Variants in PRKCE observed in about 807,000 individuals in gnomAD.
PRKCE encodes the protein protein kinase C epsilon, also known as protein kinase C epsilon type.
In PRKCE, 16 loss-of-function variants were observed where a neutral mutation model predicts 85.4. The observed-to-expected ratio is 0.19, with a 90% CI of 0.13 to 0.28. The LOEUF is 0.28. Ranked by LOEUF, PRKCE falls within the 10% of genes least tolerant of loss-of-function variation. PRKCE has a pLI of 1.00. For missense variants in PRKCE, 573 were observed against 975.2 expected, an observed-to-expected ratio of 0.59 and a Z score of 5.49; for synonymous variants, 388 against 371.5, an observed-to-expected ratio of 1.04 and a Z score of -0.51.
At chr2:46,076,115 C>G (rs943087904) in intron 10 of PRKCE, among the ~76,000 whole-genome samples, 1 of 152,204 alleles carries the variant, frequency 6.6e-6, no homozygotes, top group African/African-American at 2.4e-5. Context: ...ACTGTGCTTT[C>G]TATTGGCTGG....
chr2:45,745,148 A>C (rs956664818), intron 1 of PRKCE, among the ~76,000 whole-genome samples: 1 of 152,152 alleles, frequency 6.6e-6, no homozygotes, highest in Non-Finnish European at 1.5e-5. Context: ...GATCAATTCC[A>C]TCTTACAATT....
chr2:45,976,384 A>G, intron 2 of PRKCE, 45 bp from the exon 3 acceptor site: 1 of 1,583,574 alleles, frequency 6.3e-7, no homozygotes, highest in Non-Finnish European at 8.6e-7. Context: ...TTGAAGGTGC[A>G]CTAACCCAGA....
intron 2 of PRKCE, among the ~76,000 whole-genome samples, chr2:45,939,582 G>T (rs1012892682): frequency 6.6e-6 from 1 of 150,932 alleles, no homozygotes; most frequent in Non-Finnish European, 1.5e-5. Flanking sequence ...TTGAGAAGGC[G>T]TCTCACTCTA....
intron 1 of PRKCE, among the ~76,000 whole-genome samples, chr2:45,823,661 A>G (rs969010262): frequency 6.6e-6 from 1 of 152,214 alleles, no homozygotes; most frequent in African/African-American, 2.4e-5. Context: ...TTTAAATGCC[A>G]CCAGTAGGCA....
At chr2:45,727,810 A>G (rs1681212143) in intron 1 of PRKCE, among the ~76,000 whole-genome samples, 1 of 152,064 alleles carries the variant, frequency 6.6e-6, no homozygotes, top group Non-Finnish European at 1.5e-5. Flanking sequence ...GCCCGCCACC[A>G]CACCCAGCTA....
At chr2:46,060,900 C>T (rs373392665) in intron 10 of PRKCE, among the ~76,000 whole-genome samples, 25 of 149,990 alleles carry the variant, frequency 1.7e-4, no homozygotes, top group African/African-American at 6.1e-4. Context: ...TAGCTGGGAC[C>T]GCAGGCGCAC....
intron 2 of PRKCE, among the ~76,000 whole-genome samples, chr2:45,914,909 G>A (rs1298986994): frequency 6.6e-6 from 1 of 152,174 alleles, no homozygotes; most frequent in Non-Finnish European, 1.5e-5. Flanking sequence ...CTGAAAAAAA[G>A]TATCCTTTTG....
intron 11 of PRKCE, among the ~76,000 whole-genome samples, chr2:46,141,836 A>C (rs1009252390): frequency 1.3e-5 from 2 of 152,142 alleles, no homozygotes; most frequent in African/African-American, 2.4e-5. Flanking sequence ...TTTGATGAGC[A>C]CTTGCTACAC....
At chr2:45,671,205 C>A (rs2103830537) in intron 1 of PRKCE, among the ~76,000 whole-genome samples, 1 of 152,280 alleles carries the variant, frequency 6.6e-6, no homozygotes, top group South Asian at 2.1e-4. Context: ...TTTTGATTCT[C>A]CCATCAAACT....
chr2:45,886,130 T>C (rs903480053), intron 2 of PRKCE, among the ~76,000 whole-genome samples: 1 of 152,240 alleles, frequency 6.6e-6, no homozygotes, highest in African/African-American at 2.4e-5. Context: ...GTCCGGGCCA[T>C]GGGCTCTGGG....
intron 12 of PRKCE, among the ~76,000 whole-genome samples, chr2:46,146,308 T>C (rs963819157): frequency 2.0e-5 from 3 of 152,264 alleles, no homozygotes; most frequent in African/African-American, 7.2e-5. Flanking sequence ...CCATGGCGGA[T>C]AGGTATTAGC....
At chr2:45,753,669 A>C (rs1026167275) in intron 1 of PRKCE, among the ~76,000 whole-genome samples, 6 of 152,074 alleles carry the variant, frequency 3.9e-5, no homozygotes, top group Non-Finnish European at 7.4e-5. Flanking sequence ...TTAAAAAAAA[A>C]CCTTTCTTAT....
At chr2:46,178,367 C>G (rs1679644208) in intron 14 of PRKCE, among the ~76,000 whole-genome samples, 1 of 152,156 alleles carries the variant, frequency 6.6e-6, no homozygotes, top group African/African-American at 2.4e-5. Flanking sequence ...TAAAGAAAAT[C>G]CAAAAGTATG....
intron 10 of PRKCE, among the ~76,000 whole-genome samples, chr2:46,051,829 C>T (rs939937370): frequency 3.9e-5 from 6 of 152,136 alleles, no homozygotes; most frequent in Admixed American, 6.5e-5. Flanking sequence ...CGGCTGGGGA[C>T]GCTTCAGGAA....
rs117167736 is a variant in PRKCE, at chr2:45,684,533, A to G, written c.348+32085A>G. On this transcript the variant is annotated intron_variant, in intron 1 of 14. Coordinates refer to ENST00000306156, the MANE Select transcript of PRKCE (RefSeq NM_005400.3). ...CCCTCACTACATTGAGAGGCATTTG[A>G]TCTATGTTAATAACCTATTATTTTA... Among the ~76,000 whole-genome samples, 3 of 152,366 alleles carry G rather than the reference A, an allele frequency of 2.0e-5. No homozygotes were observed. In the East Asian group the frequency reaches 5.8e-4, roughly 29 times the overall value.
At chr2:45,868,336 A>AAAAT in intron 2 of PRKCE, among the ~76,000 whole-genome samples, 1 of 149,816 alleles carries the variant, frequency 6.7e-6, no homozygotes, top group Non-Finnish European at 1.5e-5. Flanking sequence ...AAAAAAAAAA[A>AAAAT]AAAAAACTTT....
intron 1 of PRKCE, among the ~76,000 whole-genome samples, chr2:45,744,327 G>A (rs72886115): frequency 0.16 from 24,280 of 152,042 alleles, 2,704 homozygotes; most frequent in African/African-American, 0.31. Flanking sequence ...AGAAGGCAAT[G>A]TTTTTCTCCG....
Position 46,048,785 on chromosome 2 carries a change from G to T in PRKCE, c.1438-37423G>T, listed in dbSNP as rs137923293. Among the ~76,000 whole-genome samples, 10 of 152,308 alleles carry T rather than the reference G, an allele frequency of 6.6e-5. No homozygotes were observed. In the East Asian group the frequency reaches 1.5e-3, roughly 24 times the overall value. On this transcript the variant is annotated intron_variant, in intron 10 of 14. Transcript: ENST00000306156. ...ATGCAAAAGGACACCAGGTCATTGA[G>T]CTCAGAACCTTCACCAGCTCTGGAA...
intron 10 of PRKCE, among the ~76,000 whole-genome samples, chr2:46,062,597 A>G (rs1667248523): frequency 6.7e-6 from 1 of 150,342 alleles, no homozygotes; most frequent in Non-Finnish European, 1.5e-5. Context: ...GTGTTTATGC[A>G]TTGACCAACC....
Sources: gnomAD v4.1 joint callset for allele counts (sites outside exome capture counted in the v4.1 genomes callset) on GRCh38, gnomAD v4.1.1 for gene constraint, MANE v1.5 for transcripts, NCBI Gene and HGNC (gene_info 2026-07-23, HGNC 2026-07-21) for gene names.